ADCY8: variants seen among roughly 807,000 people sequenced by gnomAD.
ADCY8 encodes adenylate cyclase 8.
Under a neutral mutation model 119.7 loss-of-function variants are expected in ADCY8, and 51 were observed. That is an observed-to-expected ratio of 0.43 (90% CI 0.34 to 0.54). The LOEUF (loss-of-function observed/expected upper bound fraction) is 0.54, where lower values mean the gene tolerates loss of function less well. Among genes scored for constraint, ADCY8 ranks in the 20% least tolerant of loss-of-function variants. The pLI is 0.03. For missense variants in ADCY8, 1,383 were observed against 1,598.8 expected, an observed-to-expected ratio of 0.87 and a Z score of 2.30; for synonymous variants, 665 against 651.0, an observed-to-expected ratio of 1.02 and a Z score of -0.33.
intron 1 of ADCY8, among the ~76,000 whole-genome samples, chr8:131,002,068 G>T (rs1412987979): frequency 6.6e-6 from 1 of 152,234 alleles, no homozygotes; most frequent in Non-Finnish European, 1.5e-5. Context: ...TAGTGGCTAA[G>T]AATTTGGGCT....
intron 12 of ADCY8, among the ~76,000 whole-genome samples, chr8:130,826,497 C>G (rs117462906): frequency 5.5e-3 from 839 of 152,236 alleles, no homozygotes; most frequent in Non-Finnish European, 8.4e-3. Flanking sequence ...CCTCCAAATG[C>G]TTTTAGATAA....
intron 3 of ADCY8, among the ~76,000 whole-genome samples, chr8:130,943,683 A>T (rs892229094): frequency 1.3e-5 from 2 of 152,186 alleles, no homozygotes; most frequent in Admixed American, 6.5e-5. Context: ...GGACAACAGG[A>T]AGCCCTTTTT....
At chr8:130,973,677 G>T (rs6980820) in intron 2 of ADCY8, among the ~76,000 whole-genome samples, 25,565 of 152,120 alleles carry the variant, frequency 0.17, 4,252 homozygotes, top group African/African-American at 0.43. Flanking sequence ...TTGATACAAT[G>T]AATTAACACA....
At chr8:130,846,492 C>T (rs1055490647) in intron 11 of ADCY8, among the ~76,000 whole-genome samples, 18 of 151,768 alleles carry the variant, frequency 1.2e-4, no homozygotes, top group African/African-American at 4.4e-4. Flanking sequence ...AATTCCCTTC[C>T]TCCCTCTCTT....
intron 7 of ADCY8, among the ~76,000 whole-genome samples, chr8:130,898,335 C>G (rs115931826): frequency 2.4e-3 from 370 of 152,406 alleles, no homozygotes; most frequent in African/African-American, 8.6e-3. Context: ...GCTCTCTACT[C>G]CTGTCAGTGT....
chr8:130,820,475 G>A (rs1318650891), intron 13 of ADCY8, among the ~76,000 whole-genome samples: 2 of 152,170 alleles, frequency 1.3e-5, no homozygotes, highest in African/African-American at 4.8e-5. Context: ...TTCTACCAGG[G>A]GGTGAGAATC....
intron 7 of ADCY8, among the ~76,000 whole-genome samples, chr8:130,885,807 A>G (rs1384761625): frequency 6.6e-6 from 1 of 152,048 alleles, no homozygotes; most frequent in Admixed American, 6.6e-5. Flanking sequence ...CTCTGCCTTT[A>G]TACACACTCA....
chr8:130,966,106 G>A (rs555734279), intron 2 of ADCY8, among the ~76,000 whole-genome samples: 38 of 152,266 alleles, frequency 2.5e-4, no homozygotes, highest in Non-Finnish European at 4.0e-4. Context: ...GATGACTTAT[G>A]GAATCTAAGG....
chr8:130,918,897 C>A (rs1310015302), intron 5 of ADCY8, among the ~76,000 whole-genome samples: 1 of 152,200 alleles, frequency 6.6e-6, no homozygotes, highest in Non-Finnish European at 1.5e-5. Flanking sequence ...CCCATCTCTA[C>A]TAAAAATACA....
chr8:130,783,835 T>C, intron 16 of ADCY8, 30 bp from the exon 17 acceptor site: 1 of 1,557,578 alleles, frequency 6.4e-7, no homozygotes, highest in Non-Finnish European at 8.8e-7. Context: ...AAGAAATCAT[T>C]TAATGCGGAA....
chr8:131,012,746 CAG>C (rs768426481), intron 1 of ADCY8, among the ~76,000 whole-genome samples: 4 of 152,178 alleles, frequency 2.6e-5, no homozygotes, highest in Non-Finnish European at 5.9e-5. Flanking sequence ...TAATGGAACT[CAG>C]AACATCCTGG....
intron 15 of ADCY8, among the ~76,000 whole-genome samples, chr8:130,788,635 T>A (rs530405185): frequency 7.2e-5 from 11 of 152,316 alleles, no homozygotes; most frequent in Middle Eastern, 6.8e-3. Context: ...GATTTTAAAT[T>A]TTCTTATCAC....
rs1815060084 is a variant in ADCY8 at position 130,780,945 on chromosome 8, C to G, written c.3269-68G>C. The G allele has an allele frequency of 1.2e-5, 19 of 1,565,466 alleles. 1 individual carries two copies. In the South Asian group the frequency reaches 1.8e-4, roughly 15 times the overall value. On this transcript the variant is annotated intron_variant, in intron 17 of 17. Coordinates refer to ENST00000286355, the MANE Select transcript of ADCY8 (RefSeq NM_001115.3). The stretch of plus-strand genomic sequence containing the variant: ...GGGACAATGGGGTGTTTGGACCCCT[C>G]CCTGGGACAGTGATCACTATGTGTG...
chr8:130,783,863 A>G (rs1049103094), intron 16 of ADCY8, 58 bp from the exon 17 acceptor site: 5 of 1,392,124 alleles, frequency 3.6e-6, no homozygotes, highest in Non-Finnish European at 5.0e-6. Flanking sequence ...GAACATTAAC[A>G]TTTCTGCAGC....
chr8:131,039,556 C>A lies in ADCY8; in HGVS notation c.778G>T (p.Ala260Ser), dbSNP rs529610958. ...WVAMTTQILA[A>S]GLGYGLLGDG... ...CCCAGGAGCCCGTAGCCGAGGCCTG[C>A]TGCCAGGATCTGGGTGGTCATGGCC... The change falls in exon 1 of 18, where the codon GCA becomes TCA. Residue 260 changes from alanine to serine, a missense_variant. Ala to Ser is a moderately conservative substitution (Grantham distance 99). Transcript: ENST00000286355. 2.5e-6 allele frequency: 4 copies of A among 1,613,754 alleles called. No homozygotes were observed. Among genetic ancestry groups the A allele is most frequent in the East Asian group, 2.2e-5 (1 of 44,858 alleles).
At chr8:130,876,605 C>T (rs928916687) in intron 8 of ADCY8, among the ~76,000 whole-genome samples, 1 of 151,788 alleles carries the variant, frequency 6.6e-6, no homozygotes, top group Non-Finnish European at 1.5e-5. Context: ...TTCAGGCTAC[C>T]TTTATCAAGA....
chr8:130,893,657 GGTGTGTGTGTGT>G (rs113157821), intron 7 of ADCY8, among the ~76,000 whole-genome samples: 1,825 of 148,942 alleles, frequency 0.012, 26 homozygotes, highest in African/African-American at 0.041. Flanking sequence ...GGGAGAAGAA[GGTGTGTGTGTGT>G]GTGTGTGTGT....
intron 8 of ADCY8, 75 bp downstream of exon 8, chr8:130,884,489 G>A: frequency 2.0e-6 from 3 of 1,487,148 alleles, no homozygotes; most frequent in Non-Finnish European, 2.8e-6. Context: ...ACAGCCCCTG[G>A]GCTCTCTCTC....
intron 5 of ADCY8, among the ~76,000 whole-genome samples, chr8:130,920,363 C>T (rs1277392718): frequency 3.3e-5 from 5 of 152,126 alleles, no homozygotes; most frequent in Non-Finnish European, 4.4e-5. Flanking sequence ...CCAAAAACAC[C>T]GTGATCCAAG....
Sources: gnomAD v4.1 joint callset for allele counts (sites outside exome capture counted in the v4.1 genomes callset) on GRCh38, gnomAD v4.1.1 for gene constraint, MANE v1.5 for transcripts, NCBI Gene and HGNC (gene_info 2026-07-23, HGNC 2026-07-21) for gene names.